The following AFF3 variants were observed in gnomAD, a reference collection of about 807,000 sequenced individuals.
AFF3 encodes ALF transcription elongation factor 3, also known as AF4/FMR2 family member 3.
In AFF3, 32 loss-of-function variants were observed where a neutral mutation model predicts 129.7. That is an observed-to-expected ratio of 0.25 (90% CI 0.19 to 0.33). The LOEUF is 0.33. Among genes scored for constraint, AFF3 ranks in the 10% least tolerant of loss-of-function variants. AFF3 has a pLI of 1.00. For missense variants in AFF3, 1,373 were observed against 1,592.0 expected (o/e 0.86, Z 2.34); for synonymous variants, 644 against 635.4 (o/e 1.01, Z -0.20).
In AFF3 at chr2:99,582,671, C is replaced by T. The variant is rs528321161; in HGVS notation, c.2793+127G>A. On this transcript the variant is annotated intron_variant, in intron 17 of 24. Transcript: ENST00000672756. ...GTCCTCTGTTGGGTCTTCCTAGAAG[C>T]GGGAGGCATTCAGGAATTCTCAAGG... is the stretch of plus-strand genomic sequence containing the variant. The T allele has an allele frequency of 4.9e-5, 48 of 972,014 alleles. No homozygotes were observed. The African/African-American group carries it at 6.0e-4, about 12-fold the overall frequency. 60.2% of individuals were successfully genotyped at this position (972,014 alleles called of 1,614,324 possible). A position where few individuals can be genotyped will look rare whatever the true frequency, so the allele number is the denominator to read the frequency against.
chr2:100,139,435 T>C (rs949027787), intron 1 of AFF3, among the ~76,000 whole-genome samples: 1 of 152,228 alleles, frequency 6.6e-6, no homozygotes, highest in Non-Finnish European at 1.5e-5. Context: ...AAGAAAAATC[T>C]GTCAACAGGC....
At chr2:100,039,222 G>A (rs1685223761) in intron 4 of AFF3, among the ~76,000 whole-genome samples, 2 of 152,090 alleles carry the variant, frequency 1.3e-5, no homozygotes, top group Admixed American at 1.3e-4. Context: ...TCCTTCAAGT[G>A]TTTTCTACCA....
chr2:99,591,708 ATAGAC>A (rs1678699609), intron 15 of AFF3, among the ~76,000 whole-genome samples: 1 of 152,186 alleles, frequency 6.6e-6, no homozygotes, highest in Non-Finnish European at 1.5e-5. Flanking sequence ...TTTTCTATTG[ATAGAC>A]TAGACTGTCT....
intron 4 of AFF3, among the ~76,000 whole-genome samples, chr2:100,053,667 A>C (rs1686535038): frequency 6.6e-6 from 1 of 152,176 alleles, no homozygotes; most frequent in Non-Finnish European, 1.5e-5. Flanking sequence ...CTGCTGATTC[A>C]AGAAGAGGAG....
chr2:99,595,660 T>TAA (rs35237036), intron 14 of AFF3, among the ~76,000 whole-genome samples: 26,322 of 152,198 alleles, frequency 0.17, 2,417 homozygotes, highest in South Asian at 0.24. Context: ...AGGCCTGTAT[T>TAA]AAGAGCAGAA....
chr2:100,015,025 C>T (rs964875413), intron 4 of AFF3, among the ~76,000 whole-genome samples: 5 of 145,374 alleles, frequency 3.4e-5, no homozygotes, highest in African/African-American at 1.3e-4. Context: ...AGGATGGTCT[C>T]GATCTCCTGA....
At chr2:99,605,337 T>C (rs546356630) in intron 13 of AFF3, among the ~76,000 whole-genome samples, 2 of 152,350 alleles carry the variant, frequency 1.3e-5, no homozygotes, top group East Asian at 3.9e-4. Context: ...TTAAATATAT[T>C]CATGTTTCAA....
intron 4 of AFF3, among the ~76,000 whole-genome samples, chr2:100,031,437 T>G (rs1262496164): frequency 6.6e-6 from 1 of 152,170 alleles, no homozygotes; most frequent in Non-Finnish European, 1.5e-5. Context: ...CATATAGAAA[T>G]GTATACATAC....
At chr2:100,117,172 T>G (rs530219110) in intron 2 of AFF3, among the ~76,000 whole-genome samples, 1 of 152,326 alleles carries the variant, frequency 6.6e-6, no homozygotes, top group East Asian at 1.9e-4. Context: ...TTTGATAGCT[T>G]CATCAGTTTG....
At chr2:99,986,060 G>A (rs1160017744) in intron 7 of AFF3, among the ~76,000 whole-genome samples, 1 of 151,742 alleles carries the variant, frequency 6.6e-6, no homozygotes, top group Non-Finnish European at 1.5e-5. Context: ...AATTAGTCAG[G>A]CGTGGTGGTG....
At position 100,098,805 on chromosome 2, in the gene AFF3, C is replaced by T. The variant is rs1027355017; in HGVS notation, c.53+5597G>A. Reference sequence around the variant, plus strand: ...CCAAGTTCTCGGCGCCCTGAACTAACCAGTCTCTCCACCCAGCTTTCTCCA... The same window carrying T: ...CCAAGTTCTCGGCGCCCTGAACTAATCAGTCTCTCCACCCAGCTTTCTCCA... On this transcript the variant is annotated intron_variant, in intron 4 of 24. Coordinates refer to ENST00000672756, the MANE Select transcript of AFF3 (RefSeq NM_001386135.1). 6.7e-5 allele frequency among the ~76,000 whole-genome samples: 7 copies of T among 104,492 alleles called. 1 individual carries two copies. The highest frequency in any genetic ancestry group is 3.0e-4 in the African/African-American group (7 of 23,290). 68.6% of individuals were successfully genotyped at this position (104,492 alleles called of 152,430 possible). A position where few individuals can be genotyped will look rare whatever the true frequency, so the allele number is the denominator to read the frequency against.
At chr2:99,816,308 TTGTC>T (rs1366336627) in intron 8 of AFF3, among the ~76,000 whole-genome samples, 1 of 152,250 alleles carries the variant, frequency 6.6e-6, no homozygotes, top group African/African-American at 2.4e-5. Flanking sequence ...TTTAAATTCT[TTGTC>T]TGAGAGTTCT....
chr2:99,950,533 T>A (rs1676054487), intron 7 of AFF3, among the ~76,000 whole-genome samples: 1 of 152,196 alleles, frequency 6.6e-6, no homozygotes, highest in Non-Finnish European at 1.5e-5. Flanking sequence ...AATAATTCAT[T>A]GCTACTACTA....
intron 8 of AFF3, among the ~76,000 whole-genome samples, chr2:99,802,116 G>A (rs1395411755): frequency 6.6e-6 from 1 of 152,150 alleles, no homozygotes; most frequent in Non-Finnish European, 1.5e-5. Flanking sequence ...GCATGTATGG[G>A]AGACAAACTT....
chr2:99,773,952 C>G (rs779531603), intron 8 of AFF3, among the ~76,000 whole-genome samples: 1 of 152,038 alleles, frequency 6.6e-6, no homozygotes, highest in African/African-American at 2.4e-5. Flanking sequence ...AGCTGAGAAC[C>G]AAATCATGAA....
chr2:99,931,556 T>C (rs1696673352), intron 7 of AFF3, among the ~76,000 whole-genome samples: 1 of 152,216 alleles, frequency 6.6e-6, no homozygotes, highest in Non-Finnish European at 1.5e-5. Context: ...AAACAACAGT[T>C]ATTGATAGGG....
In AFF3 at chr2:99,934,854, G is replaced by A. The variant is rs186659838; in HGVS notation, c.873+71778C>T. On this transcript the variant is annotated intron_variant, in intron 7 of 24. Transcript: ENST00000672756. Reference sequence around the variant, plus strand: ...ATCTGTGCTGCTCTCCTGCCATGCAGAAAACTTAGCTAGCAGGGTCTGCCC... The same window carrying A: ...ATCTGTGCTGCTCTCCTGCCATGCAAAAAACTTAGCTAGCAGGGTCTGCCC... Among the ~76,000 whole-genome samples, 365 of 152,326 alleles carry A rather than the reference G, an allele frequency of 2.4e-3. 1 individual carries two copies. Among genetic ancestry groups the A allele is most frequent in the Non-Finnish European group, 4.0e-3 (272 of 68,024 alleles).
At chr2:99,923,522 T>A (rs970764919) in intron 7 of AFF3, among the ~76,000 whole-genome samples, 1 of 152,224 alleles carries the variant, frequency 6.6e-6, no homozygotes, top group African/African-American at 2.4e-5. Context: ...TAAACTTATA[T>A]TTATGCAAAA....
intron 8 of AFF3, among the ~76,000 whole-genome samples, chr2:99,764,608 T>C (rs1682862246): frequency 6.6e-6 from 1 of 152,230 alleles, no homozygotes; most frequent in African/African-American, 2.4e-5. Context: ...ATTACTTGTG[T>C]TTAAAAAATA....
Sources: gnomAD v4.1 joint callset for allele counts (sites outside exome capture counted in the v4.1 genomes callset) on GRCh38, gnomAD v4.1.1 for gene constraint, MANE v1.5 for transcripts, NCBI Gene and HGNC (gene_info 2026-07-23, HGNC 2026-07-21) for gene names.